CRIM1: variants seen among roughly 807,000 people sequenced by gnomAD.
CRIM1 encodes cysteine rich transmembrane BMP regulator 1.
A neutral mutation model predicts 116.4 loss-of-function variants in CRIM1; 32 were observed. That is an observed-to-expected ratio of 0.27 (90% confidence interval 0.21 to 0.37). The LOEUF is 0.37. Ranked by LOEUF, CRIM1 falls within the 10% of genes least tolerant of loss-of-function variation. CRIM1 has a pLI of 1.00. For missense variants in CRIM1, 1,331 were observed against 1,354.8 expected, an observed-to-expected ratio of 0.98 and a Z score of 0.28; for synonymous variants, 590 against 509.2, an observed-to-expected ratio of 1.16 and a Z score of -2.13.
intron 8 of CRIM1, among the ~76,000 whole-genome samples, chr2:36,508,655 T>C (rs1681595139): frequency 6.6e-6 from 1 of 152,244 alleles, no homozygotes; most frequent in Non-Finnish European, 1.5e-5. Context: ...AAATTCTATA[T>C]TTAATTCACA....
At chr2:36,540,798 A>T (rs184541569) in intron 14 of CRIM1, among the ~76,000 whole-genome samples, 2 of 152,210 alleles carry the variant, frequency 1.3e-5, no homozygotes, top group Admixed American at 6.5e-5. Context: ...AGGCACTGCA[A>T]ATGTCCTCGG....
At chr2:36,476,359 A>G (rs376119419) in intron 5 of CRIM1, among the ~76,000 whole-genome samples, 4 of 152,208 alleles carry the variant, frequency 2.6e-5, no homozygotes, top group Non-Finnish European at 4.4e-5. Flanking sequence ...GGTGATACAT[A>G]TAGAGAGTAT....
chr2:36,359,070 C>T (rs1438753085), intron 1 of CRIM1, among the ~76,000 whole-genome samples: 1 of 152,098 alleles, frequency 6.6e-6, no homozygotes, highest in African/African-American at 2.4e-5. Flanking sequence ...CAAGAAATTT[C>T]GGAATGGCCA....
intron 13 of CRIM1, among the ~76,000 whole-genome samples, chr2:36,531,421 G>C (rs1381504802): frequency 1.3e-5 from 2 of 150,280 alleles, no homozygotes; most frequent in East Asian, 1.9e-4. Context: ...TTTTTTTCCA[G>C]AGGCTCATGT....
intron 4 of CRIM1, among the ~76,000 whole-genome samples, chr2:36,462,672 C>A (rs1409318111): frequency 6.6e-6 from 1 of 151,878 alleles, no homozygotes; most frequent in Non-Finnish European, 1.5e-5. Context: ...GCTATTCTTG[C>A]GGGATGCTTT....
Position 36,356,595 on chromosome 2 carries a change from C to T in CRIM1, c.303C>T (p.Leu101=), listed in dbSNP as rs1171764587. The change falls in exon 1 of 17, where the codon CTC becomes CTT. Residue 101 remains leucine (L), a synonymous_variant. Coordinates refer to ENST00000280527, the MANE Select transcript of CRIM1 (RefSeq NM_016441.3). This position sits in a 1 kb window ranked among gnomAD's most constrained non-coding sequence, Gnocchi z 4.3. The part of the protein sequence containing the change: ...VIRPPLNGDS[L]TEYEAGVCED... Reference sequence around the variant, plus strand: ...GCCCCCCGCTCAATGGCGACTCCCTCACCGAGTACGAAGCGGGCGTTTGCG... The same window carrying T: ...GCCCCCCGCTCAATGGCGACTCCCTTACCGAGTACGAAGCGGGCGTTTGCG... The T allele has an allele frequency of 6.2e-7, 1 of 1,610,944 alleles. No homozygotes were observed. Among genetic ancestry groups the T allele is most frequent in the Non-Finnish European group, 8.5e-7 (1 of 1,179,486 alleles).
rs534404508 is a variant in CRIM1 at position 36,395,973 on chromosome 2, C to T, written c.332-641C>T. Among the ~76,000 whole-genome samples, 233 of 152,208 alleles carry T rather than the reference C, an allele frequency of 1.5e-3. 1 individual carries two copies. Among genetic ancestry groups the T allele is most frequent in the African/African-American group, 5.2e-3 (217 of 41,528 alleles). On this transcript the variant is annotated intron_variant, in intron 1 of 16. Coordinates refer to ENST00000280527, the MANE Select transcript of CRIM1 (RefSeq NM_016441.3). ...GAGAGTCTCACCCTGTTTCCCAGACCGGAATGCAGTGGCGTGATCAACCTC... is the reference window on the plus strand; with the variant it reads ...GAGAGTCTCACCCTGTTTCCCAGACTGGAATGCAGTGGCGTGATCAACCTC...
chr2:36,414,594 G>C (rs13029001), intron 2 of CRIM1, among the ~76,000 whole-genome samples: 4,117 of 152,326 alleles, frequency 0.027, 76 homozygotes, highest in Admixed American at 0.053. Context: ...GATAGCTTGA[G>C]AAAGTCTCTC....
chr2:36,457,338 A>G (rs1043036711), intron 4 of CRIM1, among the ~76,000 whole-genome samples: 3 of 151,136 alleles, frequency 2.0e-5, no homozygotes, highest in Non-Finnish European at 4.4e-5. Flanking sequence ...TCCCCCCAGA[A>G]AAAAACAAAG....
intron 7 of CRIM1, among the ~76,000 whole-genome samples, chr2:36,498,697 G>T (rs533008832): frequency 1.3e-5 from 2 of 152,090 alleles, no homozygotes; most frequent in African/African-American, 2.4e-5. Flanking sequence ...CCATAAGTGA[G>T]GGAGTGCCAC....
In CRIM1 at chr2:36,550,596, A is replaced by AT. The variant is rs917933045; in HGVS notation, c.*1902dup. 2 of 152,368 alleles carry AT rather than the reference A, an allele frequency of 1.3e-5. No homozygotes were observed. Among genetic ancestry groups the AT allele is most frequent in the Non-Finnish European group, 1.5e-5 (1 of 67,982 alleles). The allele number at this position is 152,368 out of a possible 1,614,324, so 9.4% of individuals were successfully genotyped here. A position where few individuals can be genotyped will look rare whatever the true frequency, so the allele number is the denominator to read the frequency against. ...TAATTTATTAATCTGAAGATTAACC[A>AT]TTTTTTTGTCTTAGAATATCAAAAA... On this transcript the variant is annotated 3_prime_UTR_variant, in exon 17 of 17. Coordinates refer to ENST00000280527, the MANE Select transcript of CRIM1 (RefSeq NM_016441.3).
Position 36,356,572 on chromosome 2 carries a change from C to T in CRIM1, c.280C>T (p.Pro94Ser), listed in dbSNP as rs773604705. ...CCGGGGGCTGCGTTGTGTCATCCGC[C>T]CCCCGCTCAATGGCGACTCCCTCAC... Reference protein sequence around the residue: ...CDRGLRCVIRPPLNGDSLTEY... With the variant: ...CDRGLRCVIRSPLNGDSLTEY... The change falls in exon 1 of 17, where the codon CCC becomes TCC. Residue 94 changes from proline to serine, a missense_variant. This residue lies in a region of CRIM1 where 690 missense variants were observed against 676.0 expected (regional missense o/e 1.02). Transcript: ENST00000280527. The surrounding 1 kb of genome is among the most constrained non-coding windows in gnomAD (Gnocchi z 4.3). 11 of 1,612,148 alleles carry T rather than the reference C, an allele frequency of 6.8e-6. No homozygotes were observed. Among genetic ancestry groups the T allele is most frequent in the South Asian group, 6.6e-5 (6 of 91,066 alleles).
At chr2:36,412,523 A>AT (rs1673293087) in intron 2 of CRIM1, among the ~76,000 whole-genome samples, 1 of 152,078 alleles carries the variant, frequency 6.6e-6, no homozygotes, top group Admixed American at 6.6e-5. Flanking sequence ...GTTCAGAGGG[A>AT]TTTTTAAATC....
rs937633116 is a variant in CRIM1 at position 36,360,820 on chromosome 2, G to A, written c.331+4197G>A. ...AATTTTAATTCACTCATTAAGTAAC[G>A]GGAGGGGGGCAAAATATCAGCTTCT... On this transcript the variant is annotated intron_variant, in intron 1 of 16. Coordinates refer to ENST00000280527, the MANE Select transcript of CRIM1 (RefSeq NM_016441.3). Among the ~76,000 whole-genome samples, 5 of 152,142 alleles carry A rather than the reference G, an allele frequency of 3.3e-5. No individual in the cohort carries two copies. The East Asian group carries it at 5.8e-4, about 18-fold the overall frequency.
chr2:36,477,700 G>T (rs540309087), intron 6 of CRIM1, among the ~76,000 whole-genome samples: 37 of 152,350 alleles, frequency 2.4e-4, no homozygotes, highest in African/African-American at 8.2e-4. Context: ...TCTCCAAGAA[G>T]TAATATGTTC....
rs200392667 is a variant in CRIM1 at position 36,469,647 on chromosome 2, C to CAAA, written c.991+4999_991+5001dup. Among the ~76,000 whole-genome samples, 1,423 of 147,870 alleles carry CAAA rather than the reference C, an allele frequency of 9.6e-3. 20 individuals carry two copies. The highest frequency in any genetic ancestry group is 0.034 in the African/African-American group (1,374 of 40,306). On this transcript the variant is annotated intron_variant, in intron 5 of 16. Coordinates refer to ENST00000280527, the MANE Select transcript of CRIM1 (RefSeq NM_016441.3). ...TTCAGACCTGCAGGCTGTTAATTTTCAAAAAAAAACACTAGTACAGAAAAC... is the reference window on the plus strand; with the variant it reads ...TTCAGACCTGCAGGCTGTTAATTTTCAAAAAAAAAAAACACTAGTACAGAAAAC...
chr2:36,460,667 C>G lies in CRIM1; in HGVS notation c.870-3867C>G, dbSNP rs147627500. 3.5e-3 allele frequency among the ~76,000 whole-genome samples: 537 copies of G among 152,306 alleles called. 3 individuals are homozygous for G. Among genetic ancestry groups the G allele is most frequent in the African/African-American group, 0.012 (515 of 41,550 alleles). On this transcript the variant is annotated intron_variant, in intron 4 of 16. Coordinates refer to ENST00000280527, the MANE Select transcript of CRIM1 (RefSeq NM_016441.3). ...TAGAGAAATCTCAGTGCTCTCCTCA[C>G]TTTCTTTTGTGTTTTTGTTTTGTTG...
chr2:36,385,349 C>T (rs1018843142), intron 1 of CRIM1, among the ~76,000 whole-genome samples: 2 of 152,116 alleles, frequency 1.3e-5, no homozygotes, highest in African/African-American at 4.8e-5. Context: ...AGTTGTTATC[C>T]TGAAAAGATT....
intron 1 of CRIM1, among the ~76,000 whole-genome samples, chr2:36,395,204 G>A (rs542500833): frequency 7.2e-5 from 11 of 152,112 alleles, no homozygotes; most frequent in African/African-American, 2.7e-4. Flanking sequence ...TAATGGAGAT[G>A]GGGTTTCACC....
Sources: gnomAD v4.1 joint callset for allele counts (sites outside exome capture counted in the v4.1 genomes callset) on GRCh38, gnomAD v4.1.1 for gene constraint, gnomAD v4.1.1 regional missense constraint, Gnocchi (gnomAD v3.1) non-coding constraint, MANE v1.5 for transcripts, NCBI Gene and HGNC (gene_info 2026-07-23, HGNC 2026-07-21) for gene names.